The following ATF2 variants were observed in gnomAD, a reference collection of about 807,000 sequenced individuals.
ATF2 encodes the protein activating transcription factor 2.
Under a neutral mutation model 60.6 loss-of-function variants are expected in ATF2, and 24 were observed. That is an observed-to-expected ratio of 0.40 (90% CI 0.29 to 0.56). ATF2 has a LOEUF of 0.56. ATF2 is among the 20% of genes least tolerant of loss of function. ATF2 has a pLI of 0.54. For missense variants in ATF2, 433 were observed against 607.7 expected (o/e 0.71, Z 3.02); for synonymous variants, 206 against 215.4 (o/e 0.96, Z 0.38).
At chr2:175,100,011 CA>C (rs1695203190) in intron 10 of ATF2, among the ~76,000 whole-genome samples, 1 of 152,230 alleles carries the variant, frequency 6.6e-6, no homozygotes, top group African/African-American at 2.4e-5. Context: ...TCTTTTCTGA[CA>C]GACTACTTCT....
At chr2:175,117,469 G>C (rs1696661496) in intron 7 of ATF2, among the ~76,000 whole-genome samples, 1 of 151,940 alleles carries the variant, frequency 6.6e-6, no homozygotes. Context: ...GAACAAAAGA[G>C]TGATCAAGAA....
intron 7 of ATF2, among the ~76,000 whole-genome samples, chr2:175,117,475 A>G (rs1325180442): frequency 6.6e-6 from 1 of 151,988 alleles, no homozygotes; most frequent in African/African-American, 2.4e-5. Flanking sequence ...AAGAGTGATC[A>G]AGAAGTTCCC....
intron 12 of ATF2, among the ~76,000 whole-genome samples, chr2:175,082,238 A>T (rs902914348): frequency 3.9e-5 from 6 of 152,220 alleles, no homozygotes; most frequent in Admixed American, 3.9e-4. Context: ...ACAAAAATTG[A>T]TGCTCATAAT....
chr2:175,131,556 A>G (rs1440584158), intron 3 of ATF2, among the ~76,000 whole-genome samples: 1 of 152,208 alleles, frequency 6.6e-6, no homozygotes, highest in African/African-American at 2.4e-5. Context: ...TGAGCATTAT[A>G]AGCTATTTTA....
At chr2:175,108,085 C>T (rs1388089923) in intron 10 of ATF2, among the ~76,000 whole-genome samples, 9 of 149,748 alleles carry the variant, frequency 6.0e-5, no homozygotes, top group African/African-American at 1.5e-4. Flanking sequence ...AAGTGAGGAG[C>T]GCCTCTTCCC....
chr2:175,142,754 C>A, intron 2 of ATF2, among the ~76,000 whole-genome samples: 1 of 135,262 alleles, frequency 7.4e-6, no homozygotes, highest in Admixed American at 7.6e-5. Context: ...TGTGTGTGAT[C>A]AATCTTACAT....
At chr2:175,136,266 T>C in intron 3 of ATF2, 146 bp downstream of exon 3, 1 of 735,024 alleles carries the variant, frequency 1.4e-6, no homozygotes, top group East Asian at 2.6e-5. Context: ...AAAATAGGAG[T>C]ATCAGCTAAA....
intron 13 of ATF2, among the ~76,000 whole-genome samples, chr2:175,077,859 A>G (rs542124790): frequency 6.6e-5 from 10 of 152,274 alleles, no homozygotes; most frequent in Admixed American, 6.5e-4. Flanking sequence ...CACTAGAGAG[A>G]TACAGAAAAC....
At chr2:175,146,668 G>A (rs1365706644) in intron 2 of ATF2, among the ~76,000 whole-genome samples, 1 of 152,108 alleles carries the variant, frequency 6.6e-6, no homozygotes, top group Admixed American at 6.6e-5. Flanking sequence ...CAATTCATAG[G>A]CTTTAAACTG....
intron 9 of ATF2, among the ~76,000 whole-genome samples, chr2:175,112,063 GA>G (rs1472909790): frequency 4.6e-5 from 7 of 152,144 alleles, no homozygotes; most frequent in Non-Finnish European, 8.8e-5. Flanking sequence ...TATATACAAT[GA>G]ATTTTCTTAT....
Position 175,130,193 on chromosome 2 carries a change from A to G in ATF2, c.47T>C (p.Leu16Pro). 1 of 1,590,390 alleles carries G rather than the reference A, an allele frequency of 6.3e-7. No individual in the cohort carries two copies. The highest frequency in any genetic ancestry group is 1.2e-5 in the South Asian group (1 of 85,268). ...HVNSARQYKD[L>P]WNMSDDKPFL... ...GGGTTTGTCATCACTCATATTCCAC[A>G]GGTCCTTGTATTGCCTATAATCAAA... Residue 16 changes from leucine to proline, a missense_variant, in exon 4 of 14, where the codon CTG becomes CCG. Transcript: ENST00000264110.
intron 4 of ATF2, among the ~76,000 whole-genome samples, chr2:175,129,292 A>C (rs1697566088): frequency 6.6e-6 from 1 of 152,130 alleles, no homozygotes; most frequent in South Asian, 2.1e-4. Context: ...CAGACCAGTA[A>C]TTGATGAAGG....
intron 5 of ATF2, among the ~76,000 whole-genome samples, chr2:175,120,393 CATTT>C (rs1174188663): frequency 6.6e-6 from 1 of 151,296 alleles, no homozygotes; most frequent in Non-Finnish European, 1.5e-5. Context: ...AGTTCCCCTA[CATTT>C]TTCCTACGTA....
chr2:175,142,475 A>G (rs1698612638), intron 2 of ATF2, among the ~76,000 whole-genome samples: 1 of 151,990 alleles, frequency 6.6e-6, no homozygotes, highest in Admixed American at 6.6e-5. Context: ...CCCTCTTTCC[A>G]GTTTTCTAAG....
intron 2 of ATF2, among the ~76,000 whole-genome samples, chr2:175,148,225 C>T (rs1699083043): frequency 6.6e-6 from 1 of 152,090 alleles, no homozygotes; most frequent in Non-Finnish European, 1.5e-5. Context: ...AGTCCCACCC[C>T]CTCTTTTTAC....
At chr2:175,137,923 GCTA>G (rs906577039) in intron 2 of ATF2, among the ~76,000 whole-genome samples, 3 of 152,096 alleles carry the variant, frequency 2.0e-5, no homozygotes, top group Non-Finnish European at 4.4e-5. Flanking sequence ...AGGCTTAAAT[GCTA>G]TCTCTTTGTT....
chr2:175,154,914 C>T (rs1049772052), intron 1 of ATF2, among the ~76,000 whole-genome samples: 7 of 152,170 alleles, frequency 4.6e-5, no homozygotes, highest in African/African-American at 1.4e-4. Context: ...GGAATTAATC[C>T]TCTCTTGGGC....
intron 12 of ATF2, among the ~76,000 whole-genome samples, chr2:175,086,825 C>G (rs958171082): frequency 6.6e-6 from 1 of 152,124 alleles, no homozygotes; most frequent in African/African-American, 2.4e-5. Context: ...TATTACTATT[C>G]AGATAAGATG....
rs1186219595 is a variant in ATF2 at position 175,141,127 on chromosome 2, G to GGTTT, written c.-43-4645_-43-4642dup. 2.1e-5 allele frequency among the ~76,000 whole-genome samples: 3 copies of GGTTT among 141,896 alleles called. No homozygotes were observed. The Admixed American group carries it at 2.2e-4, about 10-fold the overall frequency. The allele number at this position is 141,896 out of a possible 152,430, so 93.1% of individuals were successfully genotyped here. A position where few individuals can be genotyped will look rare whatever the true frequency, so the allele number is the denominator to read the frequency against. ...AATATCCTTAAAATATCAACTTCAA[G>GGTTT]GTTTGTGAAATAACCTTCCTGCCAT... On this transcript the variant is annotated intron_variant, in intron 2 of 13. Transcript: ENST00000264110.
Sources: allele counts gnomAD v4.1 joint callset (sites outside exome capture counted in the v4.1 genomes callset), GRCh38; gene constraint gnomAD v4.1.1; transcripts MANE v1.5; gene names NCBI Gene and HGNC (gene_info 2026-07-23, HGNC 2026-07-21).